SND1: variants seen among roughly 807,000 people sequenced by gnomAD.
SND1 encodes staphylococcal nuclease domain-containing protein 1.
Under a neutral mutation model 121.7 loss-of-function variants are expected in SND1, and 38 were observed. The observed-to-expected ratio is 0.31, with a 90% CI of 0.24 to 0.41. The LOEUF is 0.41. Ranked by LOEUF, SND1 falls within the 10% of genes least tolerant of loss-of-function variation. The pLI, the probability that SND1 is intolerant of heterozygous loss-of-function variation, is 1.00. For synonymous variants in SND1, 401 were observed against 447.4 expected (o/e 0.90, Z 1.31); for missense variants, 868 against 1,184.6 (o/e 0.73, Z 3.92).
chr7:127,850,653 C>G (rs1397906976), intron 12 of SND1, among the ~76,000 whole-genome samples: 1 of 152,158 alleles, frequency 6.6e-6, no homozygotes, highest in East Asian at 1.9e-4. Context: ...AAATCAGTAA[C>G]AAACCACTAA....
intron 15 of SND1, among the ~76,000 whole-genome samples, chr7:127,962,912 C>CT (rs1801766746): frequency 6.6e-6 from 1 of 152,206 alleles, no homozygotes; most frequent in South Asian, 2.1e-4. Flanking sequence ...CAAAGCTTCT[C>CT]TAAGCATCAG....
At chr7:127,681,160 G>T (rs2116291188) in intron 1 of SND1, among the ~76,000 whole-genome samples, 1 of 152,280 alleles carries the variant, frequency 6.6e-6, no homozygotes, top group South Asian at 2.1e-4. Flanking sequence ...GTCAACACTT[G>T]TTATTGCCTG....
chr7:127,790,413 G>A (rs1054903871), intron 10 of SND1, among the ~76,000 whole-genome samples: 12 of 152,226 alleles, frequency 7.9e-5, no homozygotes, highest in East Asian at 1.9e-4. Flanking sequence ...GTCTTAAGCC[G>A]TTAAAGAGGA....
At chr7:127,987,265 C>G (rs149404768) in intron 15 of SND1, among the ~76,000 whole-genome samples, 34 of 152,286 alleles carry the variant, frequency 2.2e-4, no homozygotes, top group African/African-American at 6.5e-4. Flanking sequence ...TTCTTAGAAC[C>G]CAACTTTCTT....
intron 15 of SND1, among the ~76,000 whole-genome samples, chr7:127,962,981 T>C (rs745623655): frequency 9.9e-5 from 15 of 152,238 alleles, no homozygotes; most frequent in Non-Finnish European, 1.8e-4. Context: ...GAACATATTT[T>C]CTTCCTTCTT....
chr7:127,929,522 C>G (rs895929862), intron 15 of SND1, among the ~76,000 whole-genome samples, 193 bp downstream of exon 15: 5 of 152,214 alleles, frequency 3.3e-5, no homozygotes, highest in African/African-American at 1.2e-4. Context: ...CACCCCCTTT[C>G]TGCTCCTCAT....
intron 16 of SND1, among the ~76,000 whole-genome samples, chr7:128,067,929 T>A (rs1326193524): frequency 1.3e-5 from 2 of 152,046 alleles, no homozygotes; most frequent in Non-Finnish European, 2.9e-5. Context: ...CTCCATTTCT[T>A]AATTATTTTG....
intron 16 of SND1, among the ~76,000 whole-genome samples, chr7:128,035,374 A>G (rs187619728): frequency 2.5e-4 from 38 of 152,248 alleles, no homozygotes; most frequent in Non-Finnish European, 4.3e-4. Flanking sequence ...TGCTTTCTTC[A>G]TTTAATCTAG....
At chr7:127,680,808 G>C (rs1266619496) in intron 1 of SND1, among the ~76,000 whole-genome samples, 3 of 151,422 alleles carry the variant, frequency 2.0e-5, no homozygotes, top group South Asian at 2.1e-4. Flanking sequence ...GTAAAGACAG[G>C]CATAGGAAAT....
At chr7:128,036,214 TG>T (rs1278242354) in intron 16 of SND1, among the ~76,000 whole-genome samples, 1 of 152,116 alleles carries the variant, frequency 6.6e-6, no homozygotes, top group African/African-American at 2.4e-5. Flanking sequence ...TGTGTGTGTG[TG>T]TGTGTGTCTT....
rs1800299630 is a variant in SND1, at chr7:127,904,670, CTCT to C, written c.1455-74_1455-72del. 34 of 914,546 alleles carry C rather than the reference CTCT, an allele frequency of 3.7e-5. 1 individual carries two copies. In the South Asian group the frequency reaches 4.6e-4, roughly 12 times the overall value. 56.7% of individuals were successfully genotyped at this position (914,546 alleles called of 1,614,324 possible). On this transcript the variant is annotated intron_variant, in intron 13 of 23. Transcript: ENST00000354725. The stretch of plus-strand genomic sequence containing the variant: ...CCCCACTTTAACAACCCTCGCTTCT[CTCT>C]TCATTTTTGCACCCTCCTACCCCTT...
At chr7:127,891,544 G>A (rs1431433683) in intron 13 of SND1, among the ~76,000 whole-genome samples, 2 of 151,904 alleles carry the variant, frequency 1.3e-5, no homozygotes, top group African/African-American at 4.8e-5. Context: ...CTGAGTTTAG[G>A]GTTGTTTTTT....
intron 11 of SND1, among the ~76,000 whole-genome samples, chr7:127,829,128 G>C (rs1798694766): frequency 6.6e-6 from 1 of 152,180 alleles, no homozygotes; most frequent in East Asian, 1.9e-4. Context: ...CCGAATTACA[G>C]TCTGGTTCGT....
Position 128,029,913 on chromosome 7 carries a change from G to A in SND1, c.1779+38857G>A, listed in dbSNP as rs762463640. On this transcript the variant is annotated intron_variant, in intron 16 of 23. Transcript: ENST00000354725. This position sits in a 1 kb window ranked among gnomAD's most constrained non-coding sequence, Gnocchi z 4.2. ...GTTCATGACCCAGAGCTTCTTGAGGGAGCTCAGGCCATGGAAGGAGCCAGG... is the reference window on the plus strand; with the variant it reads ...GTTCATGACCCAGAGCTTCTTGAGGAAGCTCAGGCCATGGAAGGAGCCAGG... 3.7e-6 allele frequency: 6 copies of A among 1,613,216 alleles called. No homozygotes were observed.
chr7:127,814,562 T>C (rs1248839176), intron 11 of SND1, among the ~76,000 whole-genome samples: 2 of 151,954 alleles, frequency 1.3e-5, no homozygotes, highest in East Asian at 3.9e-4. Context: ...TTCTCCAGCA[T>C]ACGATCAGTT....
chr7:127,754,912 G>C, intron 10 of SND1, among the ~76,000 whole-genome samples: 1 of 152,200 alleles, frequency 6.6e-6, no homozygotes, highest in Admixed American at 6.5e-5. Context: ...TATTCAAGTT[G>C]TAGGTCTTAT....
intron 11 of SND1, among the ~76,000 whole-genome samples, chr7:127,839,573 C>T (rs1798927127): frequency 6.6e-6 from 1 of 152,088 alleles, no homozygotes; most frequent in African/African-American, 2.4e-5. Context: ...ATCCAGAGAG[C>T]CTGAGAATTC....
chr7:127,906,392 A>G (rs958177728), intron 14 of SND1, among the ~76,000 whole-genome samples: 21 of 152,118 alleles, frequency 1.4e-4, no homozygotes, highest in Non-Finnish European at 2.8e-4. Flanking sequence ...CTTTGCATAT[A>G]TATTGCTAAT....
intron 15 of SND1, among the ~76,000 whole-genome samples, chr7:127,936,415 A>G (rs1801064168): frequency 6.6e-6 from 1 of 151,916 alleles, no homozygotes; most frequent in South Asian, 2.1e-4. Flanking sequence ...TGGTTCACGC[A>G]GTTTTTATTT....
Sources: allele counts gnomAD v4.1 joint callset (sites outside exome capture counted in the v4.1 genomes callset), GRCh38; gene constraint gnomAD v4.1.1; non-coding constraint Gnocchi (gnomAD v3.1); transcripts MANE v1.5; gene names NCBI Gene and HGNC (gene_info 2026-07-23, HGNC 2026-07-21).